SPTBN1: variants seen among roughly 807,000 people sequenced by gnomAD.
The protein encoded by SPTBN1 is spectrin beta chain, non-erythrocytic 1.
In SPTBN1, 32 loss-of-function variants were observed where a neutral mutation model predicts 266.4. The observed-to-expected ratio is 0.12, with a 90% confidence interval of 0.09 to 0.16. The LOEUF is 0.16. SPTBN1 is among the 10% of genes least tolerant of loss of function. SPTBN1 has a pLI of 1.00. For synonymous variants in SPTBN1, 1,336 were observed against 1,162.2 expected, an observed-to-expected ratio of 1.15 and a Z score of -3.04; for missense variants, 2,296 against 3,067.1, an observed-to-expected ratio of 0.75 and a Z score of 5.94.
intron 3 of SPTBN1, among the ~76,000 whole-genome samples, chr2:54,600,441 CAAAT>C (rs1676424408): frequency 6.6e-6 from 1 of 151,786 alleles, no homozygotes; most frequent in Admixed American, 6.5e-5. Flanking sequence ...ACAAACTAGA[CAAAT>C]AACGGAGACC....
In SPTBN1 at chr2:54,554,252, G is replaced by A. The variant is rs1480090733; in HGVS notation, c.148+27686G>A. 2.0e-5 allele frequency among the ~76,000 whole-genome samples: 3 copies of A among 152,322 alleles called. No homozygotes were observed. Among genetic ancestry groups the A allele is most frequent in the African/African-American group, 7.2e-5 (3 of 41,568 alleles). ...GAAACAGCAGAGGTGGGGAGATGGG[G>A]AGCACGCTGACTTGGTGGATCTGGG... On this transcript the variant is annotated intron_variant, in intron 2 of 35. Coordinates refer to ENST00000356805, the MANE Select transcript of SPTBN1 (RefSeq NM_003128.3). The surrounding 1 kb of genome is among the most constrained non-coding windows in gnomAD (Gnocchi z 4.5).
rs1341649887 is a variant in SPTBN1, at chr2:54,657,979, A to T, written c.6176A>T (p.His2059Leu). The T allele has an allele frequency of 1.9e-6, 3 of 1,614,264 alleles. No homozygotes were observed. The highest frequency in any genetic ancestry group is 1.1e-5 in the South Asian group (1 of 91,082). The change falls in exon 30 of 36, where the codon CAC (histidine) becomes CTC (leucine). Residue 2059 changes from histidine (H) to leucine (L), a missense_variant. Around this residue, in one of 12 missense-constraint regions of SPTBN1, gnomAD observed 644 missense variants for 745.3 expected, o/e 0.86. Transcript: ENST00000356805. ...GAGGTGGAGAAGCTCATCAAGCGCC[A>T]CGAGGCATTTGAAAAGTCTGCAGCA... ...VDEVEKLIKR[H>L]EAFEKSAATW... is the part of the protein sequence containing the mutation.
intron 2 of SPTBN1, among the ~76,000 whole-genome samples, chr2:54,577,721 A>G (rs1674587773): frequency 6.6e-6 from 1 of 152,192 alleles, no homozygotes; most frequent in Non-Finnish European, 1.5e-5. Context: ...TAACTAGTAA[A>G]TGGAGCCAGG....
At chr2:54,627,152 A>G (rs79967173) in intron 12 of SPTBN1, among the ~76,000 whole-genome samples, 6,131 of 152,298 alleles carry the variant, frequency 0.04, 159 homozygotes, top group Admixed American at 0.087. Flanking sequence ...ACTGTTCCTG[A>G]CAGAGGGGCA....
At chr2:54,627,633 C>T (rs1004118506) in intron 12 of SPTBN1, among the ~76,000 whole-genome samples, 1 of 152,228 alleles carries the variant, frequency 6.6e-6, no homozygotes, top group South Asian at 2.1e-4. Flanking sequence ...TCAGCAACTT[C>T]TAAAAGATTT....
chr2:54,461,002 CA>C (rs1693337963), intron 1 of SPTBN1, among the ~76,000 whole-genome samples: 1 of 151,940 alleles, frequency 6.6e-6, no homozygotes, highest in Non-Finnish European at 1.5e-5. Flanking sequence ...GACTCTGTCT[CA>C]AAAAAATAAA....
chr2:54,518,749 C>A (rs1404004350), intron 1 of SPTBN1, among the ~76,000 whole-genome samples: 1 of 152,088 alleles, frequency 6.6e-6, no homozygotes, highest in African/African-American at 2.4e-5. Flanking sequence ...ACATTGGTCA[C>A]CTTCTTCATT....
intron 2 of SPTBN1, among the ~76,000 whole-genome samples, chr2:54,579,701 G>C (rs780251716): frequency 3.3e-5 from 5 of 152,204 alleles, no homozygotes; most frequent in Non-Finnish European, 4.4e-5. Context: ...TTGACCTTTG[G>C]ATTTAGGTAA....
At chr2:54,610,592 A>T (rs67457439) in intron 3 of SPTBN1, among the ~76,000 whole-genome samples, 42,943 of 151,636 alleles carry the variant, frequency 0.28, 7,517 homozygotes, top group Admixed American at 0.37. Flanking sequence ...TATGAGATAA[A>T]AAGATATTTC....
chr2:54,473,893 C>T (rs1037501770), intron 1 of SPTBN1, among the ~76,000 whole-genome samples: 2 of 152,196 alleles, frequency 1.3e-5, no homozygotes, highest in African/African-American at 4.8e-5. Context: ...GGACTAGGAA[C>T]AAATAAGCTT....
intron 1 of SPTBN1, among the ~76,000 whole-genome samples, chr2:54,457,062 C>T (rs1401721655): frequency 2.6e-5 from 4 of 151,618 alleles, no homozygotes; most frequent in Non-Finnish European, 5.9e-5. Context: ...CAGGCGTGGT[C>T]CCGGCTGCGC....
At position 54,518,188 on chromosome 2, in the gene SPTBN1, G is replaced by A. The variant is rs1573317462; in HGVS notation, c.-47-8184G>A. ...GCCCCATGTACCTGAGTAATAATAG[G>A]TCAGACAGGTTATTAAGAAACAGTG... is the stretch of plus-strand genomic sequence containing the variant. On this transcript the variant is annotated intron_variant, in intron 1 of 35. Coordinates refer to ENST00000356805, the MANE Select transcript of SPTBN1 (RefSeq NM_003128.3). 3.3e-5 allele frequency among the ~76,000 whole-genome samples: 5 copies of A among 152,036 alleles called. 2 individuals carry two copies. The highest frequency in any genetic ancestry group is 3.3e-4 in the Admixed American group (5 of 15,264).
chr2:54,636,518 C>T (rs543538106), intron 17 of SPTBN1, among the ~76,000 whole-genome samples: 37 of 152,242 alleles, frequency 2.4e-4, no homozygotes, highest in African/African-American at 8.2e-4. Context: ...ACTGAGGGCC[C>T]GTGTGGTGCA....
intron 32 of SPTBN1, chr2:54,661,140 A>G (rs1043786299): frequency 2.0e-6 from 2 of 985,242 alleles, no homozygotes; most frequent in African/African-American, 1.7e-5. Flanking sequence ...CATTTTCTCA[A>G]GACTTTTTGT....
chr2:54,629,821 C>T lies in SPTBN1; in HGVS notation c.2669+18C>T, dbSNP rs1678613956. 3.1e-6 allele frequency: 5 copies of T among 1,609,894 alleles called. No individual in the cohort carries two copies. ...CAGCACAGGTGAGCGGGGCGCTGGT[C>T]AGCCACTGGCCTGTTCCTTGTGACC... On this transcript the variant is annotated intron_variant, in intron 14 of 35. Transcript: ENST00000356805.
intron 4 of SPTBN1, among the ~76,000 whole-genome samples, chr2:54,612,950 A>G (rs1386401337): frequency 1.3e-5 from 2 of 152,204 alleles, no homozygotes; most frequent in Admixed American, 1.3e-4. Context: ...TTTAAGCCGG[A>G]AGGTACTCTC....
chr2:54,629,848 C>G (rs755769015), intron 14 of SPTBN1, 44 bp from the exon 15 acceptor site: 3 of 1,612,940 alleles, frequency 1.9e-6, no homozygotes, highest in Admixed American at 1.7e-5. Context: ...CTTGTGACCA[C>G]CAGTGGCCCA....
chr2:54,556,120 G>A lies in SPTBN1; in HGVS notation c.148+29554G>A, dbSNP rs573759177. 1.2e-4 allele frequency among the ~76,000 whole-genome samples: 18 copies of A among 152,338 alleles called. No homozygotes were observed. In the South Asian group the frequency reaches 2.1e-3, roughly 18 times the overall value. On this transcript the variant is annotated intron_variant, in intron 2 of 35. Transcript: ENST00000356805. ...GAACAGTAAACACTGAAGAAATAAA[G>A]AATGAATACCTCTGGCCTTCCTTTA...
chr2:54,458,155 C>T (rs1693166730), intron 1 of SPTBN1, among the ~76,000 whole-genome samples: 2 of 152,178 alleles, frequency 1.3e-5, no homozygotes, highest in South Asian at 4.1e-4. Context: ...TACAGTACCT[C>T]GTCTGTCTTT....
Sources: gnomAD v4.1 joint callset for allele counts (sites outside exome capture counted in the v4.1 genomes callset) on GRCh38, gnomAD v4.1.1 for gene constraint, gnomAD v4.1.1 regional missense constraint, Gnocchi (gnomAD v3.1) non-coding constraint, MANE v1.5 for transcripts, NCBI Gene and HGNC (gene_info 2026-07-23, HGNC 2026-07-21) for gene names.